The following SEC14L1 variants were observed in gnomAD, a reference collection of about 807,000 sequenced individuals.
The protein encoded by SEC14L1 is SEC14 like lipid binding 1.
A neutral mutation model predicts 85.3 loss-of-function variants in SEC14L1; 48 were observed. The ratio of observed to expected loss-of-function variants is 0.56; its 90% confidence interval spans 0.45 to 0.72. SEC14L1 has a LOEUF of 0.72. Ranked by LOEUF, SEC14L1 falls within the 30% of genes least tolerant of loss-of-function variation. The pLI is 0.00. For missense variants in SEC14L1, 682 were observed against 921.4 expected, an observed-to-expected ratio of 0.74 and a Z score of 3.36; for synonymous variants, 391 against 355.5, an observed-to-expected ratio of 1.10 and a Z score of -1.12.
intron 14 of SEC14L1, 46 bp from the exon 15 acceptor site, chr17:77,211,904 C>T (rs1976771320): frequency 1.2e-6 from 2 of 1,602,548 alleles, no homozygotes; most frequent in African/African-American, 1.3e-5. Context: ...AGCATGCCGG[C>T]CTGGTGCTCG....
intron 3 of SEC14L1, among the ~76,000 whole-genome samples, chr17:77,162,842 A>AAT (rs397950225): frequency 6.7e-6 from 1 of 149,780 alleles, no homozygotes; most frequent in Non-Finnish European, 1.5e-5. Flanking sequence ...AAAAAAAAAA[A>AAT]TGTGTTGTGG....
At chr17:77,148,313 C>T (rs1411737600) in intron 3 of SEC14L1, among the ~76,000 whole-genome samples, 1 of 152,086 alleles carries the variant, frequency 6.6e-6, no homozygotes, top group Non-Finnish European at 1.5e-5. Context: ...GTGGTGACAG[C>T]CGCAGGCGAG....
chr17:77,172,622 T>C lies in SEC14L1; in HGVS notation c.64-18181T>C, dbSNP rs370279450. Among the ~76,000 whole-genome samples, 39 of 152,312 alleles carry C rather than the reference T, an allele frequency of 2.6e-4. No individual in the cohort carries two copies. In the East Asian group the frequency reaches 5.8e-3, roughly 23 times the overall value. On this transcript the variant is annotated intron_variant, in intron 3 of 16. Coordinates refer to ENST00000436233, the MANE Select transcript of SEC14L1 (RefSeq NM_001143998.2). ...GATTTATCTTTCCAGTTCTCTATTT[T>C]CTATAACGTGTTTTGTGATGTCTGG...
intron 3 of SEC14L1, among the ~76,000 whole-genome samples, chr17:77,120,837 T>C (rs540573008): frequency 6.8e-4 from 103 of 152,324 alleles, no homozygotes; most frequent in African/African-American, 2.0e-3. Flanking sequence ...TCAGCCCTGC[T>C]GGGGCTCCGA....
chr17:77,093,869 G>T (rs989568918), intron 3 of SEC14L1: 1 of 152,174 alleles, frequency 6.6e-6, no homozygotes, highest in Non-Finnish European at 1.5e-5. Context: ...AATATGCTGG[G>T]GTGACAGGCA....
chr17:77,089,016 G>A (rs1343659916), intron 1 of SEC14L1: 2 of 162,736 alleles, frequency 1.2e-5, no homozygotes, highest in Non-Finnish European at 2.7e-5. Context: ...ATTGGAATGA[G>A]GAGCTGTAGG....
intron 3 of SEC14L1, among the ~76,000 whole-genome samples, chr17:77,100,554 A>T (rs1971755557): frequency 6.8e-6 from 1 of 146,966 alleles, no homozygotes; most frequent in Non-Finnish European, 1.5e-5. Context: ...CTCCTGCCTC[A>T]GCCTCCAGAG....
chr17:77,184,098 G>A (rs1975163438), intron 3 of SEC14L1, among the ~76,000 whole-genome samples: 1 of 152,072 alleles, frequency 6.6e-6, no homozygotes, highest in Non-Finnish European at 1.5e-5. Flanking sequence ...ATTTCCCCAT[G>A]ATTAGCTAAG....
In SEC14L1 at chr17:77,213,786, C is replaced by T. The variant is rs780922873; in HGVS notation, c.2043-132C>T. The stretch of plus-strand genomic sequence containing the variant: ...TGGTGGGTTACTCATGTCCATCCCC[C>T]GTTTGCAAGCACTGATGGGGATGAG... On this transcript the variant is annotated intron_variant, in intron 16 of 16. Coordinates refer to ENST00000436233, the MANE Select transcript of SEC14L1 (RefSeq NM_001143998.2). The surrounding 1 kb of genome is among the most constrained non-coding windows in gnomAD (Gnocchi z 7.1). 1.3e-5 allele frequency: 16 copies of T among 1,193,382 alleles called. No homozygotes were observed. The highest frequency in any genetic ancestry group is 6.0e-5 in the African/African-American group (4 of 66,738). The allele number at this position is 1,193,382 out of a possible 1,614,324, so 73.9% of individuals were successfully genotyped here. A position where few individuals can be genotyped will look rare whatever the true frequency, so the allele number is the denominator to read the frequency against.
chr17:77,140,516 C>A (rs1214238101), upstream of SEC14L1, among the ~76,000 whole-genome samples: 4 of 152,266 alleles, frequency 2.6e-5, no homozygotes, highest in Non-Finnish European at 5.9e-5. Flanking sequence ...CGACCAGAGG[C>A]AGGCCTCAGA....
chr17:77,203,046 G>T (rs1453094520), intron 9 of SEC14L1, among the ~76,000 whole-genome samples: 1 of 151,836 alleles, frequency 6.6e-6, no homozygotes, highest in Non-Finnish European at 1.5e-5. Context: ...ATTGAGGGAA[G>T]CTGGCTTTTA....
intron 3 of SEC14L1, among the ~76,000 whole-genome samples, chr17:77,153,937 A>G (rs1011192326): frequency 2.0e-5 from 3 of 152,220 alleles, no homozygotes; most frequent in Admixed American, 1.3e-4. Context: ...TGTTGTAACA[A>G]GAAGCATATA....
intron 3 of SEC14L1, among the ~76,000 whole-genome samples, chr17:77,159,668 C>T (rs1473133925): frequency 4.6e-5 from 7 of 152,176 alleles, no homozygotes; most frequent in Non-Finnish European, 7.3e-5. Context: ...TGTGAACCAC[C>T]GCTCCCGGCC....
At position 77,191,261 on chromosome 17, in the gene SEC14L1, T is replaced by C; in HGVS notation, c.294T>C (p.Tyr98=). 1.9e-6 allele frequency: 3 copies of C among 1,614,186 alleles called. No homozygotes were observed. The highest frequency in any genetic ancestry group is 2.2e-5 in the South Asian group (2 of 91,090). ...AACGTACTTTGCACATTGAGGCTTA[T>C]AATGAAACGTTTTCCAATCGGGTCA... ...SRERTLHIEA[Y]NETFSNRVII... is the part of the protein sequence containing the mutation. The change falls in exon 5 of 17, where the codon TAT becomes TAC. Residue 98 remains tyrosine, a synonymous_variant. Coordinates refer to ENST00000436233, the MANE Select transcript of SEC14L1 (RefSeq NM_001143998.2).
chr17:77,192,793 T>C (rs1361216638), intron 5 of SEC14L1, among the ~76,000 whole-genome samples: 2 of 152,090 alleles, frequency 1.3e-5, no homozygotes, highest in Non-Finnish European at 2.9e-5. Context: ...CCCAAGTAGC[T>C]GGGACTATAG....
At chr17:77,152,533 CT>C (rs1227249456) in intron 3 of SEC14L1, 4 of 41,704 alleles carry the variant, frequency 9.6e-5, no homozygotes, top group Non-Finnish European at 2.4e-4. Context: ...GAGACTCCGT[CT>C]CAAAAAAAAA....
chr17:77,107,145 A>G (rs1971932345), intron 3 of SEC14L1, among the ~76,000 whole-genome samples: 1 of 152,184 alleles, frequency 6.6e-6, no homozygotes, highest in African/African-American at 2.4e-5. Context: ...TATTCAGCCA[A>G]CCACCGTGGA....
chr17:77,157,058 T>C (rs1973848486), intron 3 of SEC14L1, among the ~76,000 whole-genome samples: 1 of 152,218 alleles, frequency 6.6e-6, no homozygotes, highest in Admixed American at 6.5e-5. Context: ...TATTACATAA[T>C]TCTTGTTTTC....
intron 3 of SEC14L1, among the ~76,000 whole-genome samples, chr17:77,100,256 T>A (rs1269441744): frequency 6.6e-6 from 1 of 152,218 alleles, no homozygotes; most frequent in Admixed American, 6.5e-5. Flanking sequence ...TTCTGCACCC[T>A]CCGAGCACTG....
Sources: allele counts gnomAD v4.1 joint callset (sites outside exome capture counted in the v4.1 genomes callset), GRCh38; gene constraint gnomAD v4.1.1; non-coding constraint Gnocchi (gnomAD v3.1); transcripts MANE v1.5; gene names NCBI Gene and HGNC (gene_info 2026-07-23, HGNC 2026-07-21).